CORO2B: variants seen among roughly 807,000 people sequenced by gnomAD.
The protein encoded by CORO2B is coronin-2B.
CORO2B carries 26 observed loss-of-function variants against 58.8 expected under a neutral mutation model. The ratio of observed to expected loss-of-function variants is 0.44; its 90% CI spans 0.32 to 0.61. The LOEUF is 0.61. CORO2B is among the 20% of genes least tolerant of loss of function. The pLI, the probability that CORO2B is intolerant of heterozygous loss-of-function variation, is 0.04. For synonymous variants in CORO2B, 242 were observed against 253.8 expected (o/e 0.95, Z 0.44); for missense variants, 460 against 645.1 (o/e 0.71, Z 3.11).
intron 2 of CORO2B, among the ~76,000 whole-genome samples, chr15:68,659,750 A>G (rs144510143): frequency 0.017 from 2,624 of 152,338 alleles, 34 homozygotes; most frequent in Non-Finnish European, 0.028. Flanking sequence ...CCTGGCCAAC[A>G]TGGCGAAACC....
At chr15:68,675,213 AC>A (rs1902536604) in intron 2 of CORO2B, among the ~76,000 whole-genome samples, 1 of 152,078 alleles carries the variant, frequency 6.6e-6, no homozygotes, top group African/African-American at 2.4e-5. Flanking sequence ...GAATGTTTGT[AC>A]CCCGCTTCAG....
intron 1 of CORO2B, among the ~76,000 whole-genome samples, chr15:68,634,675 C>G (rs1288971500): frequency 6.6e-6 from 1 of 152,154 alleles, no homozygotes; most frequent in East Asian, 1.9e-4. Context: ...CCCTCGACTT[C>G]CTGAATCAGA....
chr15:68,687,028 C>G (rs778792242), intron 2 of CORO2B, among the ~76,000 whole-genome samples: 1 of 152,228 alleles, frequency 6.6e-6, no homozygotes, highest in African/African-American at 2.4e-5. Flanking sequence ...GCATTGCCAT[C>G]TCACATCTTT....
chr15:68,540,967 C>T, the CORO2B span, among the ~76,000 whole-genome samples: 1 of 152,224 alleles, frequency 6.6e-6, no homozygotes. Flanking sequence ...CAGTGACTCA[C>T]ACCTGTAATC....
intron 1 of CORO2B, among the ~76,000 whole-genome samples, chr15:68,612,995 G>A (rs1900276127): frequency 6.6e-6 from 1 of 152,182 alleles, no homozygotes; most frequent in African/African-American, 2.4e-5. Context: ...CAGGGAATCA[G>A]TACAGCCAGG....
At chr15:68,612,785 T>G (rs755877184) in intron 1 of CORO2B, among the ~76,000 whole-genome samples, 4 of 152,212 alleles carry the variant, frequency 2.6e-5, no homozygotes, top group Non-Finnish European at 5.9e-5. Context: ...AGGAAGATCT[T>G]TAGGATTCCA....
chr15:68,583,860 G>A (rs996629520), intron 1 of CORO2B, among the ~76,000 whole-genome samples: 11 of 152,186 alleles, frequency 7.2e-5, no homozygotes, highest in African/African-American at 2.4e-4. Context: ...CACAGACCCA[G>A]CTCCCGGGTG....
At chr15:68,648,330 T>TA (rs35889202) in intron 2 of CORO2B, among the ~76,000 whole-genome samples, 6,106 of 113,470 alleles carry the variant, frequency 0.054, 377 homozygotes, top group African/African-American at 0.17. Context: ...AGATTCCAGC[T>TA]AAAAAAAAAA....
chr15:68,650,280 A>G lies in CORO2B; in HGVS notation c.216+4920A>G, dbSNP rs571012341. Among the ~76,000 whole-genome samples the G allele has an allele frequency of 5.4e-5, 8 of 148,424 alleles. No individual in the cohort carries two copies. The South Asian group carries it at 1.7e-3, about 32-fold the overall frequency. On this transcript the variant is annotated intron_variant, in intron 2 of 11. Coordinates refer to ENST00000261861, the MANE Select transcript of CORO2B (RefSeq NM_006091.5). ...CTACTCAGGAAGCTGAGGCAGGAGAATTGGAGGCGGAGGTTGCGGTGAGCT... is the reference window on the plus strand; with the variant it reads ...CTACTCAGGAAGCTGAGGCAGGAGAGTTGGAGGCGGAGGTTGCGGTGAGCT...
In CORO2B at chr15:68,599,781, G is replaced by A. The variant is rs994406227; in HGVS notation, c.15+20504G>A. Among the ~76,000 whole-genome samples the A allele has an allele frequency of 1.1e-4, 16 of 152,316 alleles. No individual in the cohort carries two copies. In the Middle Eastern group the frequency reaches 0.017, roughly 162 times the overall value. On this transcript the variant is annotated intron_variant, in intron 1 of 11. Coordinates refer to ENST00000261861, the MANE Select transcript of CORO2B (RefSeq NM_006091.5). ...CCTGGGAGGCTGCCACATGCTTTCC[G>A]GACATCCGGGTCTCATTATGCTGTG...
chr15:68,682,370 A>C (rs1902819081), intron 2 of CORO2B, among the ~76,000 whole-genome samples: 1 of 152,156 alleles, frequency 6.6e-6, no homozygotes, highest in Non-Finnish European at 1.5e-5. Context: ...CCTGGAGAGG[A>C]AGGAGCAGAT....
chr15:68,563,528 A>T, the CORO2B span, among the ~76,000 whole-genome samples: 5 of 151,674 alleles, frequency 3.3e-5, no homozygotes, highest in Non-Finnish European at 7.4e-5. Flanking sequence ...AAAAAAGAAG[A>T]GAAAAGAAAA....
At chr15:68,671,355 A>G (rs1234433735) in intron 2 of CORO2B, among the ~76,000 whole-genome samples, 3 of 152,314 alleles carry the variant, frequency 2.0e-5, no homozygotes, top group East Asian at 3.9e-4. Context: ...AATTGGCTCA[A>G]CATCCCTGTT....
At chr15:68,647,640 A>G (rs150555194) in intron 2 of CORO2B, among the ~76,000 whole-genome samples, 4,548 of 149,810 alleles carry the variant, frequency 0.03, 225 homozygotes, top group African/African-American at 0.1. Context: ...GGTGAGCTGA[A>G]ATTGTGCCAT....
chr15:68,654,831 A>T (rs1220363436), intron 2 of CORO2B, among the ~76,000 whole-genome samples: 1 of 152,224 alleles, frequency 6.6e-6, no homozygotes, highest in Non-Finnish European at 1.5e-5. Context: ...TGGGATTTGG[A>T]GCCTGTGGCC....
intron 1 of CORO2B, among the ~76,000 whole-genome samples, chr15:68,603,414 C>A (rs533476129): frequency 1.3e-5 from 2 of 152,112 alleles, no homozygotes; most frequent in East Asian, 1.9e-4. Flanking sequence ...GACAGAGGAG[C>A]CTTCGTGGAG....
intron 1 of CORO2B, among the ~76,000 whole-genome samples, chr15:68,587,761 C>T (rs1032701706): frequency 6.6e-6 from 1 of 152,220 alleles, no homozygotes; most frequent in Non-Finnish European, 1.5e-5. Context: ...TTATTATCCC[C>T]CTTTCTATGG....
At chr15:68,521,648 T>C in the CORO2B span, among the ~76,000 whole-genome samples, 3 of 152,250 alleles carry the variant, frequency 2.0e-5, no homozygotes, top group Non-Finnish European at 4.4e-5. Flanking sequence ...TTGTCAATTA[T>C]TTTTATTTTA....
the CORO2B span, among the ~76,000 whole-genome samples, chr15:68,530,091 G>A: frequency 6.6e-6 from 1 of 152,186 alleles, no homozygotes; most frequent in African/African-American, 2.4e-5. Context: ...TTGGGAGGCC[G>A]AGGCGGGTGG....
Sources: allele counts gnomAD v4.1 joint callset (sites outside exome capture counted in the v4.1 genomes callset), GRCh38; gene constraint gnomAD v4.1.1; transcripts MANE v1.5; gene names NCBI Gene and HGNC (gene_info 2026-07-23, HGNC 2026-07-21).